Variants in PPARGC1B observed in about 807,000 individuals in gnomAD.
PPARGC1B encodes PPARG coactivator 1 beta.
A neutral mutation model predicts 101.6 loss-of-function variants in PPARGC1B; 34 were observed. The ratio of observed to expected loss-of-function variants is 0.33; its 90% confidence interval spans 0.25 to 0.45. PPARGC1B has a LOEUF of 0.45. PPARGC1B is among the 20% of genes least tolerant of loss of function. The pLI, the probability that PPARGC1B is intolerant of heterozygous loss-of-function variation, is 1.00. For missense variants in PPARGC1B, 1,234 were observed against 1,317.6 expected (o/e 0.94, Z 0.98); for synonymous variants, 548 against 539.3 (o/e 1.02, Z -0.22).
Position 149,836,295 on chromosome 5 carries a change from C to A in PPARGC1B, c.1840C>A (p.Pro614Thr). Residue 614 changes from proline to threonine, a missense_variant, in exon 8 of 12, where the codon CCC (proline) becomes ACC (threonine). Coordinates refer to ENST00000309241, the MANE Select transcript of PPARGC1B (RefSeq NM_133263.4). ...CCCACCCACCACACCACCGTACAAG[C>A]CCACAGAGGAGGATCCCTTCAAACC... is the stretch of plus-strand genomic sequence containing the variant. ...LTPPTTPPYK[P>T]TEEDPFKPDI... 6.2e-7 allele frequency: 1 copy of A among 1,604,200 alleles called. No individual in the cohort carries two copies. Among genetic ancestry groups the A allele is most frequent in the Non-Finnish European group, 8.5e-7 (1 of 1,175,406 alleles).
chr5:149,738,572 AG>A (rs1754806809), intron 1 of PPARGC1B, among the ~76,000 whole-genome samples: 1 of 151,518 alleles, frequency 6.6e-6, no homozygotes, highest in Non-Finnish European at 1.5e-5. Context: ...CTGAACTTTA[AG>A]CCCCCTCTTG....
intron 1 of PPARGC1B, among the ~76,000 whole-genome samples, chr5:149,775,960 A>G (rs1391889806): frequency 1.3e-5 from 2 of 151,812 alleles, no homozygotes; most frequent in African/African-American, 4.8e-5. Flanking sequence ...AATTCTTATG[A>G]CATAACCAAG....
chr5:149,844,507 C>G (rs1243312658), intron 10 of PPARGC1B, among the ~76,000 whole-genome samples: 1 of 152,188 alleles, frequency 6.6e-6, no homozygotes, highest in Non-Finnish European at 1.5e-5. Flanking sequence ...GGCGTGGTGG[C>G]ACATGCCTGT....
At chr5:149,782,131 A>G (rs1756622248) in intron 1 of PPARGC1B, among the ~76,000 whole-genome samples, 1 of 151,988 alleles carries the variant, frequency 6.6e-6, no homozygotes, top group Non-Finnish European at 1.5e-5. Context: ...GGAAGTAAGA[A>G]GGGCACACTG....
chr5:149,791,429 G>A (rs1017079427), intron 1 of PPARGC1B, among the ~76,000 whole-genome samples: 1 of 152,014 alleles, frequency 6.6e-6, no homozygotes, highest in African/African-American at 2.4e-5. Flanking sequence ...GGATGAATGA[G>A]CACCCAGAGC....
chr5:149,826,950 T>C (rs1044025425), intron 3 of PPARGC1B, 65 bp downstream of exon 3: 1 of 1,302,612 alleles, frequency 7.7e-7, no homozygotes, highest in Non-Finnish European at 1.1e-6. Flanking sequence ...GTTCAGGGCA[T>C]GGGGTGCAGA....
At chr5:149,778,858 C>T (rs1236516294) in intron 1 of PPARGC1B, among the ~76,000 whole-genome samples, 1 of 152,120 alleles carries the variant, frequency 6.6e-6, no homozygotes, top group Non-Finnish European at 1.5e-5. Flanking sequence ...AGTCATAAAA[C>T]CATCCTCTTT....
chr5:149,799,693 G>GTTTTTTTTTTTTTT lies in PPARGC1B; in HGVS notation c.79-20732_79-20719dup, dbSNP rs11371560. On this transcript the variant is annotated intron_variant, in intron 1 of 11. Transcript: ENST00000309241. ...TTTGTTTGTTTGTTTGCTTGTTGTT[G>GTTTTTTTTTTTTTT]TTTTTTTTTTTTTTTTTTTTTGAGA... 3.2e-3 allele frequency among the ~76,000 whole-genome samples: 241 copies of GTTTTTTTTTTTTTT among 76,450 alleles called. 21 individuals are homozygous for GTTTTTTTTTTTTTT. The highest frequency in any genetic ancestry group is 3.9e-3 in the Non-Finnish European group (176 of 44,558). The allele number at this position is 76,450 out of a possible 152,430, so 50.2% of individuals were successfully genotyped here. A position where few individuals can be genotyped will look rare whatever the true frequency, so the allele number is the denominator to read the frequency against.
chr5:149,762,829 C>G (rs556463219), intron 1 of PPARGC1B, among the ~76,000 whole-genome samples: 1 of 152,226 alleles, frequency 6.6e-6, no homozygotes, highest in Admixed American at 6.5e-5. Context: ...CTCTGTTGCC[C>G]AGTCTGGAGT....
At chr5:149,769,757 C>T (rs1008929177) in intron 1 of PPARGC1B, among the ~76,000 whole-genome samples, 5 of 152,160 alleles carry the variant, frequency 3.3e-5, no homozygotes, top group Admixed American at 6.5e-5. Flanking sequence ...GGAGAGAAGC[C>T]ATTTTCTGGC....
intron 1 of PPARGC1B, among the ~76,000 whole-genome samples, chr5:149,762,050 G>T (rs1006223202): frequency 1.2e-4 from 18 of 152,056 alleles, no homozygotes; most frequent in African/African-American, 4.3e-4. Context: ...CCAGACCCTG[G>T]TTCTTCTTGG....
chr5:149,835,128 C>T (rs1201605385), intron 6 of PPARGC1B, among the ~76,000 whole-genome samples, 173 bp from the exon 7 acceptor site: 1 of 152,234 alleles, frequency 6.6e-6, no homozygotes, highest in Non-Finnish European at 1.5e-5. Context: ...GCTTGAATTC[C>T]TCTAACAGCC....
chr5:149,798,499 T>A (rs946721065), intron 1 of PPARGC1B, among the ~76,000 whole-genome samples: 14 of 152,218 alleles, frequency 9.2e-5, no homozygotes, highest in African/African-American at 2.9e-4. Flanking sequence ...ACTCCAGGTA[T>A]GTGATCAGAG....
intron 10 of PPARGC1B, chr5:149,845,500 C>G (rs747665327): frequency 4.1e-6 from 2 of 488,584 alleles, no homozygotes; most frequent in Non-Finnish European, 7.2e-6. Flanking sequence ...AACAACAGTA[C>G]CCACCTCACA....
At position 149,760,535 on chromosome 5, in the gene PPARGC1B, G is replaced by T. The variant is rs866241101; in HGVS notation, c.78+30115G>T. ...TAAATGAGAATAAAGGGACTTGAAT[G>T]TATCTCCAGCAGCCATGTGATTATT... is the stretch of plus-strand genomic sequence containing the variant. On this transcript the variant is annotated intron_variant, in intron 1 of 11. Transcript: ENST00000309241. 1.2e-4 allele frequency among the ~76,000 whole-genome samples: 18 copies of T among 152,320 alleles called. No homozygotes were observed. In the Middle Eastern group the frequency reaches 0.01, roughly 86 times the overall value.
chr5:149,847,464 A>T lies in PPARGC1B; in HGVS notation c.2978A>T (p.Asn993Ile). Residue 993 changes from asparagine to isoleucine, a missense_variant, in exon 12 of 12, where the codon AAT becomes ATT. Coordinates refer to ENST00000309241, the MANE Select transcript of PPARGC1B (RefSeq NM_133263.4). ...TCTTCACCCCCATGCCCAGATTCCA[A>T]TTCAGAAGAGGCCCTTCCTGCGTCA... The part of the protein sequence containing the change: ...CWPRYTDYDS[N>I]SEEALPASGK... The T allele has an allele frequency of 6.2e-7, 1 of 1,613,844 alleles. No individual in the cohort carries two copies. Among genetic ancestry groups the T allele is most frequent in the Non-Finnish European group, 8.5e-7 (1 of 1,179,768 alleles).
At position 149,833,849 on chromosome 5, in the gene PPARGC1B, C is replaced by T. The variant is rs944681406; in HGVS notation, c.1705+71C>T. On this transcript the variant is annotated intron_variant, in intron 5 of 11. Coordinates refer to ENST00000309241, the MANE Select transcript of PPARGC1B (RefSeq NM_133263.4). The surrounding 1 kb of genome is among the most constrained non-coding windows in gnomAD (Gnocchi z 4.1). Reference sequence around the variant, plus strand: ...CAGCATGCCCCTCTGCACTGGGAGCCAGGAGCCCTGTGTTCAAGTCCCCGT... The same window carrying T: ...CAGCATGCCCCTCTGCACTGGGAGCTAGGAGCCCTGTGTTCAAGTCCCCGT... 16 of 1,424,170 alleles carry T rather than the reference C, an allele frequency of 1.1e-5. No homozygotes were observed. Among genetic ancestry groups the T allele is most frequent in the Admixed American group, 2.9e-5 (1 of 34,414 alleles). The allele number at this position is 1,424,170 out of a possible 1,614,324, so 88.2% of individuals were successfully genotyped here.
At chr5:149,788,399 T>G (rs946435638) in intron 1 of PPARGC1B, among the ~76,000 whole-genome samples, 2 of 152,214 alleles carry the variant, frequency 1.3e-5, no homozygotes, top group Non-Finnish European at 2.9e-5. Context: ...CCAGTTAGAA[T>G]GGCGATCATT....
At chr5:149,826,075 T>G (rs1303281076) in intron 2 of PPARGC1B, among the ~76,000 whole-genome samples, 1 of 152,126 alleles carries the variant, frequency 6.6e-6, no homozygotes, top group Non-Finnish European at 1.5e-5. Flanking sequence ...AGGTGCTAAG[T>G]ATGGGACCTG....
Sources: allele counts gnomAD v4.1 joint callset (sites outside exome capture counted in the v4.1 genomes callset), GRCh38; gene constraint gnomAD v4.1.1; non-coding constraint Gnocchi (gnomAD v3.1); transcripts MANE v1.5; gene names NCBI Gene and HGNC (gene_info 2026-07-23, HGNC 2026-07-21).